The following NBAS variants were observed in gnomAD, a reference collection of about 807,000 sequenced individuals.
The protein encoded by NBAS is NAG/BC035112 fusion.
In NBAS, 219 loss-of-function variants were observed where a neutral mutation model predicts 302.5. The observed-to-expected ratio is 0.72, with a 90% CI of 0.65 to 0.81. The LOEUF (loss-of-function observed/expected upper bound fraction) is 0.81. NBAS is among the 30% of genes least tolerant of loss of function. NBAS has a pLI of 0.00. For missense variants in NBAS, 2,932 were observed against 2,841.6 expected, an observed-to-expected ratio of 1.03 and a Z score of -0.72; for synonymous variants, 1,118 against 1,021.6, an observed-to-expected ratio of 1.09 and a Z score of -1.80.
chr2:14,919,344 A>T, the NBAS span, among the ~76,000 whole-genome samples: 1 of 152,232 alleles, frequency 6.6e-6, no homozygotes, highest in Non-Finnish European at 1.5e-5. Flanking sequence ...AGTGCTAAAA[A>T]ATACTAGTGA....
At chr2:15,465,738 CTTTAAATGTTACTGTTACAGT>C (rs1679694851) in intron 19 of NBAS, among the ~76,000 whole-genome samples, 2 of 152,008 alleles carry the variant, frequency 1.3e-5, no homozygotes, top group African/African-American at 4.8e-5. Flanking sequence ...TCAACAAATA[CTTTAAATGTTACTGTTACAGT>C]ATAATAATAA....
chr2:15,445,352 G>T (rs1483020800), intron 21 of NBAS, among the ~76,000 whole-genome samples: 31 of 149,264 alleles, frequency 2.1e-4, no homozygotes, highest in Non-Finnish European at 4.0e-4. Flanking sequence ...CATGTCCTTT[G>T]TAGGGACATG....
chr2:14,824,767 T>C, the NBAS span, among the ~76,000 whole-genome samples: 1 of 152,094 alleles, frequency 6.6e-6, no homozygotes, highest in Non-Finnish European at 1.5e-5. Flanking sequence ...TAATCGGCGA[T>C]TGCGACTTGG....
At chr2:14,925,820 A>T in the NBAS span, among the ~76,000 whole-genome samples, 3 of 152,234 alleles carry the variant, frequency 2.0e-5, no homozygotes, top group East Asian at 1.9e-4. Flanking sequence ...ATACTTTGTC[A>T]TACTATAGAA....
chr2:15,487,753 T>C (rs969079863), intron 12 of NBAS, among the ~76,000 whole-genome samples: 4 of 152,298 alleles, frequency 2.6e-5, no homozygotes, highest in Middle Eastern at 3.4e-3. Flanking sequence ...TTAGCTATAA[T>C]TTCAGAGCAG....
downstream of NBAS, among the ~76,000 whole-genome samples, chr2:15,162,462 C>T (rs796726197): frequency 1.3e-4 from 20 of 152,334 alleles, no homozygotes; most frequent in African/African-American, 4.8e-4. Context: ...ACCGGGGGAG[C>T]AGAAACTCAC....
At chr2:14,919,191 A>G in the NBAS span, among the ~76,000 whole-genome samples, 1 of 152,200 alleles carries the variant, frequency 6.6e-6, no homozygotes, top group Non-Finnish European at 1.5e-5. Context: ...CCAGACCACC[A>G]CAATAAAGTG....
At chr2:15,264,493 T>C (rs1668986245) in intron 44 of NBAS, among the ~76,000 whole-genome samples, 1 of 152,196 alleles carries the variant, frequency 6.6e-6, no homozygotes, top group Non-Finnish European at 1.5e-5. Flanking sequence ...AATGATTACC[T>C]TCGCCAATGT....
intron 32 of NBAS, among the ~76,000 whole-genome samples, chr2:15,357,434 T>C (rs887296710): frequency 5.9e-5 from 9 of 152,316 alleles, no homozygotes; most frequent in African/African-American, 2.2e-4. Flanking sequence ...TTAATGAGCA[T>C]AAGTTTACTT....
At chr2:15,471,898 G>C (rs1553320423) in intron 16 of NBAS, among the ~76,000 whole-genome samples, 1 of 152,140 alleles carries the variant, frequency 6.6e-6, no homozygotes, top group Non-Finnish European at 1.5e-5. Flanking sequence ...GCACTTCCCA[G>C]CCTCTAGAAC....
At chr2:15,320,041 T>C (rs942894913) in intron 38 of NBAS, among the ~76,000 whole-genome samples, 2 of 152,158 alleles carry the variant, frequency 1.3e-5, no homozygotes. Context: ...TCAAAAAGCT[T>C]ATCCACCATG....
the NBAS span, among the ~76,000 whole-genome samples, chr2:14,839,417 G>C: frequency 6.6e-6 from 1 of 152,028 alleles, no homozygotes; most frequent in Non-Finnish European, 1.5e-5. Flanking sequence ...AGAATCCAGA[G>C]TGACTGAGAA....
At chr2:14,929,901 G>A in the NBAS span, among the ~76,000 whole-genome samples, 1 of 152,120 alleles carries the variant, frequency 6.6e-6, no homozygotes, top group Non-Finnish European at 1.5e-5. Context: ...ACTGGATCAT[G>A]GGGGCAGATT....
chr2:15,310,077 T>A (rs1183044975), intron 38 of NBAS, among the ~76,000 whole-genome samples: 1 of 152,244 alleles, frequency 6.6e-6, no homozygotes, highest in Non-Finnish European at 1.5e-5. Context: ...ATATTTGACT[T>A]TGGAAATGCA....
chr2:15,270,217 T>C (rs926906896), intron 44 of NBAS, among the ~76,000 whole-genome samples: 5 of 152,228 alleles, frequency 3.3e-5, no homozygotes, highest in African/African-American at 1.2e-4. Context: ...AGTCTCTCTC[T>C]GTCGTGGCAC....
intron 28 of NBAS, 74 bp from the exon 29 acceptor site, chr2:15,383,391 A>AG: frequency 6.8e-7 from 1 of 1,464,892 alleles, no homozygotes; most frequent in Non-Finnish European, 9.5e-7. Context: ...AATGATCTAA[A>AG]GTTAAAAAAA....
chr2:15,353,507 A>C (rs370606793), intron 34 of NBAS, 46 bp downstream of exon 34: 1 of 1,610,388 alleles, frequency 6.2e-7, no homozygotes, highest in African/African-American at 1.3e-5. Context: ...ACACCCAACA[A>C]CATGGACGTC....
chr2:15,354,065 C>A (rs1673498553), intron 33 of NBAS, among the ~76,000 whole-genome samples: 1 of 152,198 alleles, frequency 6.6e-6, no homozygotes, highest in Admixed American at 6.5e-5. Context: ...TGCTACTTAG[C>A]ACTCCTGTGA....
intron 44 of NBAS, among the ~76,000 whole-genome samples, chr2:15,245,798 G>A (rs1668072909): frequency 6.6e-6 from 1 of 152,160 alleles, no homozygotes; most frequent in South Asian, 2.1e-4. Flanking sequence ...ATAAAGGGCT[G>A]GACAGTAAAT....
Sources: gnomAD v4.1 joint callset for allele counts (sites outside exome capture counted in the v4.1 genomes callset) on GRCh38, gnomAD v4.1.1 for gene constraint, MANE v1.5 for transcripts, NCBI Gene and HGNC (gene_info 2026-07-23, HGNC 2026-07-21) for gene names.